The following CSN2 variants were observed in gnomAD, a reference collection of about 807,000 sequenced individuals.
The protein encoded by CSN2 is casein beta.
Under a neutral mutation model 27.3 loss-of-function variants are expected in CSN2, and 27 were observed. That is an observed-to-expected ratio of 0.99 (90% confidence interval 0.73 to 1.36). CSN2 has a LOEUF of 1.36. CSN2 is among the 40% of genes most tolerant of loss of function. The pLI is 0.00. For synonymous variants in CSN2, 131 were observed against 94.8 expected, an observed-to-expected ratio of 1.38 and a Z score of -2.22; for missense variants, 333 against 264.5, an observed-to-expected ratio of 1.26 and a Z score of -1.80.
intron 2 of CSN2, among the ~76,000 whole-genome samples, chr4:69,960,500 G>C (rs10033371): frequency 9.4e-4 from 142 of 151,034 alleles, no homozygotes; most frequent in African/African-American, 3.4e-3. Context: ...ATATATTTAT[G>C]ATCATGATTA....
Position 69,956,353 on chromosome 4 carries a change from G to T in CSN2, c.678C>A (p.Val226=). 1.4e-6 allele frequency: 2 copies of T among 1,419,088 alleles called. No individual in the cohort carries two copies. The highest frequency in any genetic ancestry group is 3.2e-5 in the South Asian group (2 of 62,982). The allele number at this position is 1,419,088 out of a possible 1,614,324, so 87.9% of individuals were successfully genotyped here. A position where few individuals can be genotyped will look rare whatever the true frequency, so the allele number is the denominator to read the frequency against. The change falls in exon 7 of 8, where the codon GTC becomes GTA. Residue 226 remains valine (V), a splice_region_variant and synonymous_variant. Coordinates refer to ENST00000353151, the MANE Select transcript of CSN2 (RefSeq NM_001891.4). ...GAAAATTAACTTTGAAATCTTCTTA[G>T]ACCTTAAAAATAAACAGATACAAAT... is the stretch of plus-strand genomic sequence containing the variant. The part of the protein sequence containing the change: ...PLAPVHNPIS[V]
In CSN2 at chr4:69,959,047, A is replaced by G; in HGVS notation, c.99+2T>C. 1 of 1,427,788 alleles carries G rather than the reference A, an allele frequency of 7.0e-7. No individual in the cohort carries two copies. Among genetic ancestry groups the G allele is most frequent in the Non-Finnish European group, 9.7e-7 (1 of 1,033,308 alleles). 88.4% of individuals were successfully genotyped at this position (1,427,788 alleles called of 1,614,324 possible). On this transcript the variant is annotated splice_donor_variant, in intron 4 of 7. Transcript: ENST00000353151. LOFTEE classifies it high-confidence loss of function. ...GTGTACATTTTAAATGTGAAAATTTACCTTGTATTCTGTAATAGATTCCTA... is the reference window on the plus strand; with the variant it reads ...GTGTACATTTTAAATGTGAAAATTTGCCTTGTATTCTGTAATAGATTCCTA...
intron 6 of CSN2, 146 bp from the exon 7 acceptor site, chr4:69,956,501 G>T (rs934731537): frequency 7.4e-6 from 4 of 538,448 alleles, no homozygotes; most frequent in Non-Finnish European, 1.1e-5. Context: ...TAAGGCTTGT[G>T]TAAAATAAAT....
intron 5 of CSN2, 98 bp downstream of exon 5, chr4:69,958,811 A>G: frequency 1.3e-6 from 1 of 785,960 alleles, no homozygotes; most frequent in East Asian, 3.0e-5. Context: ...CATTTATTTT[A>G]TTATCATTCT....
intron 1 of CSN2, among the ~76,000 whole-genome samples, chr4:69,965,046 G>A (rs2109750852): frequency 6.6e-6 from 1 of 151,102 alleles, no homozygotes; most frequent in East Asian, 1.9e-4. Context: ...AAACCACATT[G>A]TTTCTTTTTT....
intron 3 of CSN2, 53 bp from the exon 4 acceptor site, chr4:69,959,122 G>T: frequency 8.6e-7 from 1 of 1,159,510 alleles, no homozygotes; most frequent in Non-Finnish European, 1.2e-6. Flanking sequence ...TTCTTACTTT[G>T]CAATATAAAT....
intron 2 of CSN2, among the ~76,000 whole-genome samples, chr4:69,960,349 A>C (rs1723533706): frequency 6.6e-6 from 1 of 151,880 alleles, no homozygotes; most frequent in Non-Finnish European, 1.5e-5. Flanking sequence ...TTGAGGTTTA[A>C]AAGGTAATTA....
intron 7 of CSN2, 49 bp downstream of exon 7, chr4:69,956,265 C>T: frequency 1.6e-6 from 2 of 1,221,064 alleles, no homozygotes; most frequent in Non-Finnish European, 2.1e-6. Context: ...TGTAAAAAGA[C>T]ATCATGTATA....
At position 69,965,682 on chromosome 4, in the gene CSN2, G is replaced by A. The variant is rs1471073707; in HGVS notation, c.-14C>T. Among the ~76,000 whole-genome samples the A allele has an allele frequency of 6.6e-6, 1 of 151,714 alleles. No homozygotes were observed. The highest frequency in any genetic ancestry group is 1.5e-5 in the Non-Finnish European group (1 of 67,890). ...CAAATTTGTATCTAAAATTCTTACC[G>A]TTTTTCCAAGATTGAAGAGAAGTGA... is the stretch of plus-strand genomic sequence containing the variant. On this transcript the variant is annotated splice_region_variant and 5_prime_UTR_variant, in exon 1 of 8. The change creates a new upstream start codon in the 5' untranslated region. Transcript: ENST00000353151.
At chr4:69,962,072 G>T (rs776861) in intron 1 of CSN2, among the ~76,000 whole-genome samples, 151,118 of 152,148 alleles carry the variant, frequency 0.99, 75,050 homozygotes, top group East Asian at 1. Context: ...CACTGCTCAA[G>T]GAAATAAAAG....
rs747186095 is a variant in CSN2 at position 69,957,592 on chromosome 4, T to C, written c.357A>G (p.Lys119=). The C allele has an allele frequency of 6.2e-7, 1 of 1,613,916 alleles. No homozygotes were observed. The highest frequency in any genetic ancestry group is 1.1e-5 in the South Asian group (1 of 91,058). The change falls in exon 6 of 8, where the codon AAA becomes AAG. Residue 119 remains lysine, a synonymous_variant. Transcript: ENST00000353151. ...GGTCAAAAAAGGGTATCGTTGGAGA[T>C]TTAAGGACAGGCATCACTCTGCCCT... ...YTKGRVMPVL[K]SPTIPFFDPQ...
rs77091095 is a variant in CSN2 at position 69,957,550 on chromosome 4, G to A, written c.399C>T (p.Leu133=). The A allele has an allele frequency of 2.5e-6, 4 of 1,613,944 alleles. No individual in the cohort carries two copies. The highest frequency in any genetic ancestry group is 3.4e-6 in the Non-Finnish European group (4 of 1,180,000). The part of the protein sequence containing the change: ...IPFFDPQIPK[L]TDLENLHLPL... ...GAAGATGCAGATTTTCAAGATCAGT[G>A]AGTTTTGGGATTTGAGGGTCAAAAA... Residue 133 remains leucine, a synonymous_variant, in exon 6 of 8, where the codon CTC becomes CTT. Coordinates refer to ENST00000353151, the MANE Select transcript of CSN2 (RefSeq NM_001891.4).
intron 5 of CSN2, among the ~76,000 whole-genome samples, chr4:69,958,580 C>G (rs1463032533): frequency 1.3e-5 from 2 of 152,056 alleles, no homozygotes; most frequent in Non-Finnish European, 2.9e-5. Flanking sequence ...TACACCTTTT[C>G]ATTACCATAT....
chr4:69,956,320 T>C lies in CSN2; in HGVS notation c.*30A>G, dbSNP rs201761650. 3 of 1,399,028 alleles carry C rather than the reference T, an allele frequency of 2.1e-6. No individual in the cohort carries two copies. The highest frequency in any genetic ancestry group is 2.8e-6 in the Non-Finnish European group (3 of 1,059,118). The allele number at this position is 1,399,028 out of a possible 1,614,324, so 86.7% of individuals were successfully genotyped here. On this transcript the variant is annotated 3_prime_UTR_variant, in exon 7 of 8. Coordinates refer to ENST00000353151, the MANE Select transcript of CSN2 (RefSeq NM_001891.4). Reference sequence around the variant, plus strand: ...CCAAACTCCCAAAACTTACCAAAAATAAGGAGGGAAAATTAACTTTGAAAT... The same window carrying C: ...CCAAACTCCCAAAACTTACCAAAAACAAGGAGGGAAAATTAACTTTGAAAT...
Position 69,962,549 on chromosome 4 carries a change from C to T in CSN2, c.-12-1542G>A, listed in dbSNP as rs552730611. ...CTAGCCATATGTAGAAAGCTGAAACCGGGTCCCTTCCTTACACCTTATACA... is the reference window on the plus strand; with the variant it reads ...CTAGCCATATGTAGAAAGCTGAAACTGGGTCCCTTCCTTACACCTTATACA... On this transcript the variant is annotated intron_variant, in intron 1 of 7. Transcript: ENST00000353151. Among the ~76,000 whole-genome samples, 1,227 of 152,108 alleles carry T rather than the reference C, an allele frequency of 8.1e-3. 5 individuals are homozygous for T. Among genetic ancestry groups the T allele is most frequent in the Middle Eastern group, 0.027 (8 of 294 alleles).
chr4:69,957,744 C>A lies in CSN2; in HGVS notation c.205G>T (p.Val69Phe). ...FQPQPLIYPF[V>F]EPIPYGFLPQ... ...AGAAAACCATAGGGGATAGGTTCAA[C>A]GAATGGATAGATCAGAGGCTGTGGC... is the stretch of plus-strand genomic sequence containing the variant. The change falls in exon 6 of 8, where the codon GTT (valine) becomes TTT (phenylalanine). Residue 69 changes from valine (V) to phenylalanine (F), a missense_variant. By Grantham distance (50) the Val-to-Phe change is conservative. Coordinates refer to ENST00000353151, the MANE Select transcript of CSN2 (RefSeq NM_001891.4). 1.2e-6 allele frequency: 2 copies of A among 1,613,790 alleles called. No individual in the cohort carries two copies. The highest frequency in any genetic ancestry group is 1.7e-6 in the Non-Finnish European group (2 of 1,179,924).
chr4:69,964,738 A>C (rs944985751), intron 1 of CSN2, among the ~76,000 whole-genome samples: 1 of 150,078 alleles, frequency 6.7e-6, no homozygotes, highest in African/African-American at 2.4e-5. Context: ...TATAAACTTT[A>C]CTAGTTTTAT....
chr4:69,963,480 G>A (rs923930148), intron 1 of CSN2, among the ~76,000 whole-genome samples: 5 of 151,426 alleles, frequency 3.3e-5, no homozygotes, highest in Admixed American at 1.3e-4. Flanking sequence ...GCAAACTATC[G>A]CAAGGACAAA....
At chr4:69,959,529 A>G (rs544633826) in intron 3 of CSN2, among the ~76,000 whole-genome samples, 21 of 152,250 alleles carry the variant, frequency 1.4e-4, no homozygotes, top group South Asian at 6.2e-4. Context: ...CACACCCAAG[A>G]AGAGTGGTGT....
Sources: allele counts gnomAD v4.1 joint callset (sites outside exome capture counted in the v4.1 genomes callset), GRCh38; gene constraint gnomAD v4.1.1; transcripts MANE v1.5; gene names NCBI Gene and HGNC (gene_info 2026-07-23, HGNC 2026-07-21).